Variants in ADAMTS18 observed in about 807,000 individuals in gnomAD.
The protein encoded by ADAMTS18 is A disintegrin and metalloproteinase with thrombospondin motifs 18.
In ADAMTS18, 157 loss-of-function variants were observed where a neutral mutation model predicts 165.9. The observed-to-expected ratio is 0.95, with a 90% CI of 0.83 to 1.08. The LOEUF (loss-of-function observed/expected upper bound fraction) is 1.08. Ranked by LOEUF, ADAMTS18 falls within the 50% of genes least tolerant of loss-of-function variation. The pLI, the probability that ADAMTS18 is intolerant of heterozygous loss-of-function variation, is 0.00. For synonymous variants in ADAMTS18, 782 were observed against 578.2 expected (o/e 1.35, Z -5.06); for missense variants, 2,040 against 1,534.0 (o/e 1.33, Z -5.51).
chr16:77,349,403 G>A (rs1392356779), intron 10 of ADAMTS18, among the ~76,000 whole-genome samples: 1 of 151,324 alleles, frequency 6.6e-6, no homozygotes, highest in East Asian at 2.0e-4. Flanking sequence ...AGTCACCCCA[G>A]CCCACCAGAC....
intron 3 of ADAMTS18, among the ~76,000 whole-genome samples, chr16:77,422,845 C>G (rs1451914505): frequency 6.6e-6 from 1 of 152,132 alleles, no homozygotes; most frequent in Non-Finnish European, 1.5e-5. Flanking sequence ...CTTAGAATAC[C>G]TACCAGGTAA....
At chr16:77,301,203 A>G (rs2055576005) in intron 16 of ADAMTS18, among the ~76,000 whole-genome samples, 1 of 151,978 alleles carries the variant, frequency 6.6e-6, no homozygotes, top group African/African-American at 2.4e-5. Flanking sequence ...AGTGCCAAGC[A>G]CTCTGCAGCC....
rs2056232910 is a variant in ADAMTS18, at chr16:77,333,904, T to C, written c.1859+1852A>G. Reference sequence around the variant, plus strand: ...ATATTAGTATATTAATAGTATAATATATAGTGTCCTATATACTAAATATAA... The same window carrying C: ...ATATTAGTATATTAATAGTATAATACATAGTGTCCTATATACTAAATATAA... On this transcript the variant is annotated intron_variant, in intron 12 of 22. Coordinates refer to ENST00000282849, the MANE Select transcript of ADAMTS18 (RefSeq NM_199355.4). Among the ~76,000 whole-genome samples, 6 of 145,496 alleles carry C rather than the reference T, an allele frequency of 4.1e-5. No homozygotes were observed. In the South Asian group the frequency reaches 1.3e-3, roughly 31 times the overall value.
At chr16:77,382,431 C>T (rs1305646806) in intron 3 of ADAMTS18, among the ~76,000 whole-genome samples, 1 of 152,142 alleles carries the variant, frequency 6.6e-6, no homozygotes, top group South Asian at 2.1e-4. Context: ...AGGATGGTCT[C>T]GATCTCCTGA....
chr16:77,332,512 T>C (rs748718025), intron 12 of ADAMTS18, among the ~76,000 whole-genome samples: 5 of 152,198 alleles, frequency 3.3e-5, no homozygotes, highest in Admixed American at 6.5e-5. Context: ...GGTTATCTTC[T>C]ACATTTTTTT....
chr16:77,415,533 A>T (rs1331936295), intron 3 of ADAMTS18, among the ~76,000 whole-genome samples: 1 of 151,944 alleles, frequency 6.6e-6, no homozygotes, highest in Non-Finnish European at 1.5e-5. Context: ...TTTTATTGGC[A>T]CCGATCTTGT....
At position 77,378,286 on chromosome 16, in the gene ADAMTS18, A is replaced by G. The variant is rs993011130; in HGVS notation, c.496-10563T>C. 3.3e-5 allele frequency among the ~76,000 whole-genome samples: 5 copies of G among 151,898 alleles called. No individual in the cohort carries two copies. In the South Asian group the frequency reaches 6.2e-4, roughly 19 times the overall value. On this transcript the variant is annotated intron_variant, in intron 3 of 22. Coordinates refer to ENST00000282849, the MANE Select transcript of ADAMTS18 (RefSeq NM_199355.4). Reference sequence around the variant, plus strand: ...GCTGCAGTGAGCTGTGATTGCACCAATGCTGTCCAGTGGGTGACAGAGTGA... The same window carrying G: ...GCTGCAGTGAGCTGTGATTGCACCAGTGCTGTCCAGTGGGTGACAGAGTGA...
At chr16:77,367,344 C>A (rs1018134586) in intron 4 of ADAMTS18, 97 bp downstream of exon 4, 5 of 1,391,502 alleles carry the variant, frequency 3.6e-6, no homozygotes, top group Non-Finnish European at 5.1e-6. Flanking sequence ...TCAGGGTAGC[C>A]CCATTTTGAC....
intron 3 of ADAMTS18, among the ~76,000 whole-genome samples, chr16:77,408,919 T>C (rs547770240): frequency 6.6e-6 from 1 of 152,246 alleles, no homozygotes; most frequent in Admixed American, 6.5e-5. Flanking sequence ...ATAAGATACA[T>C]TGAGAGAAAG....
intron 3 of ADAMTS18, among the ~76,000 whole-genome samples, chr16:77,380,750 C>G (rs569531155): frequency 6.6e-6 from 1 of 152,312 alleles, no homozygotes; most frequent in Non-Finnish European, 1.5e-5. Flanking sequence ...CCCTGCCTTC[C>G]TTTAACATAC....
At chr16:77,284,782 G>C (rs374054903) in intron 22 of ADAMTS18, among the ~76,000 whole-genome samples, 11 of 152,254 alleles carry the variant, frequency 7.2e-5, no homozygotes, top group African/African-American at 2.6e-4. Flanking sequence ...TGTACCACTA[G>C]TACCGCTGGT....
chr16:77,298,252 G>A (rs2055513863), intron 17 of ADAMTS18, among the ~76,000 whole-genome samples: 1 of 152,014 alleles, frequency 6.6e-6, no homozygotes, highest in East Asian at 1.9e-4. Flanking sequence ...CCACTGCCTT[G>A]CTTTCAACAT....
intron 3 of ADAMTS18, among the ~76,000 whole-genome samples, chr16:77,389,568 G>C (rs1383697445): frequency 1.3e-5 from 2 of 152,296 alleles, no homozygotes; most frequent in East Asian, 1.9e-4. Context: ...CCTCAGGGTA[G>C]TCAGTTTCTT....
At chr16:77,380,899 G>C (rs1238911042) in intron 3 of ADAMTS18, among the ~76,000 whole-genome samples, 1 of 151,696 alleles carries the variant, frequency 6.6e-6, no homozygotes, top group Non-Finnish European at 1.5e-5. Flanking sequence ...ATTGAGACAG[G>C]GTCTTGCTCT....
intron 10 of ADAMTS18, among the ~76,000 whole-genome samples, chr16:77,344,607 C>T (rs542157297): frequency 9.2e-5 from 14 of 152,138 alleles, no homozygotes; most frequent in Non-Finnish European, 1.6e-4. Context: ...ATAACCCACA[C>T]CCAGTGCCTA....
intron 3 of ADAMTS18, among the ~76,000 whole-genome samples, chr16:77,384,987 G>A (rs2057086191): frequency 6.7e-6 from 1 of 150,200 alleles, no homozygotes; most frequent in Non-Finnish European, 1.5e-5. Flanking sequence ...TCAGCTCACT[G>A]CAACCTCCGC....
At chr16:77,409,618 A>G (rs2057435540) in intron 3 of ADAMTS18, among the ~76,000 whole-genome samples, 1 of 152,184 alleles carries the variant, frequency 6.6e-6, no homozygotes, top group Non-Finnish European at 1.5e-5. Context: ...TACAGTATAC[A>G]CTGAAACCCT....
chr16:77,310,726 C>CAAGGGAT (rs1181936377), intron 16 of ADAMTS18, among the ~76,000 whole-genome samples: 3 of 151,974 alleles, frequency 2.0e-5, no homozygotes, highest in African/African-American at 7.2e-5. Context: ...CTCCTGGGTT[C>CAAGGGAT]AAGGGATCCT....
intron 3 of ADAMTS18, among the ~76,000 whole-genome samples, chr16:77,368,741 T>C (rs1027810295): frequency 1.3e-5 from 2 of 152,132 alleles, no homozygotes; most frequent in Non-Finnish European, 2.9e-5. Context: ...AAATCAATGT[T>C]TTTAAAAAAA....
Sources: allele counts gnomAD v4.1 joint callset (sites outside exome capture counted in the v4.1 genomes callset), GRCh38; gene constraint gnomAD v4.1.1; transcripts MANE v1.5; gene names NCBI Gene and HGNC (gene_info 2026-07-23, HGNC 2026-07-21).